The following AMPH variants were observed in gnomAD, a reference collection of about 807,000 sequenced individuals.
AMPH encodes the protein amphiphysin (Stiff-Mann syndrome with breast cancer 128kD autoantigen).
In AMPH, 49 loss-of-function variants were observed where a neutral mutation model predicts 99.1. The observed-to-expected ratio is 0.49, with a 90% CI of 0.39 to 0.63. The LOEUF (loss-of-function observed/expected upper bound fraction) is 0.63. Ranked by LOEUF, AMPH falls within the 20% of genes least tolerant of loss-of-function variation. The pLI is 0.00. For synonymous variants in AMPH, 314 were observed against 317.3 expected, an observed-to-expected ratio of 0.99 and a Z score of 0.11; for missense variants, 759 against 863.4, an observed-to-expected ratio of 0.88 and a Z score of 1.52.
At chr7:38,521,875 G>C (rs761350832) in intron 2 of AMPH, among the ~76,000 whole-genome samples, 3 of 152,114 alleles carry the variant, frequency 2.0e-5, no homozygotes, top group Non-Finnish European at 4.4e-5. Context: ...TTCAGTAGGC[G>C]CTTCCCATGT....
At position 38,534,229 on chromosome 7, in the gene AMPH, T is replaced by C. The variant is rs1275797442; in HGVS notation, c.150+702A>G. Among the ~76,000 whole-genome samples, 4 of 152,190 alleles carry C rather than the reference T, an allele frequency of 2.6e-5. No individual in the cohort carries two copies. The East Asian group carries it at 7.7e-4, about 29-fold the overall frequency. On this transcript the variant is annotated intron_variant, in intron 2 of 20. Coordinates refer to ENST00000356264, the MANE Select transcript of AMPH (RefSeq NM_001635.4). The stretch of plus-strand genomic sequence containing the variant: ...ATTTTCAGCCCCTTAGGGAAGATAT[T>C]AGTATAATCCCTGTTGCGAATGCAT...
intron 1 of AMPH, among the ~76,000 whole-genome samples, chr7:38,538,407 T>A (rs1029679401): frequency 6.6e-6 from 1 of 152,166 alleles, no homozygotes; most frequent in Non-Finnish European, 1.5e-5. Context: ...GATCTTTCAA[T>A]AGTATTCAAG....
chr7:38,566,871 T>A (rs1173463686), intron 1 of AMPH, among the ~76,000 whole-genome samples: 3 of 152,106 alleles, frequency 2.0e-5, no homozygotes, highest in African/African-American at 7.2e-5. Context: ...ATGGTGATCA[T>A]TAAAAAGTCA....
At chr7:38,451,466 A>G (rs1372119219) in intron 11 of AMPH, among the ~76,000 whole-genome samples, 1 of 146,444 alleles carries the variant, frequency 6.8e-6, no homozygotes, top group East Asian at 2.5e-4. Context: ...AATCATATTT[A>G]TATGGAATAG....
intron 1 of AMPH, among the ~76,000 whole-genome samples, chr7:38,611,385 TC>T (rs2129066290): frequency 6.6e-6 from 1 of 152,326 alleles, no homozygotes; most frequent in South Asian, 2.1e-4. Flanking sequence ...AGATCTGCTG[TC>T]CAACACTGTA....
At chr7:38,529,856 G>T (rs1790326965) in intron 2 of AMPH, among the ~76,000 whole-genome samples, 2 of 152,132 alleles carry the variant, frequency 1.3e-5, no homozygotes, top group South Asian at 4.1e-4. Flanking sequence ...ATTGCAAAAA[G>T]CTTCTGAAGG....
intron 10 of AMPH, among the ~76,000 whole-genome samples, chr7:38,462,097 C>T (rs1045368824): frequency 1.3e-5 from 2 of 152,192 alleles, no homozygotes; most frequent in Admixed American, 6.5e-5. Flanking sequence ...GGGTAAATGA[C>T]TGCTATTATG....
chr7:38,618,724 C>A (rs981931113), intron 1 of AMPH, among the ~76,000 whole-genome samples: 8 of 151,900 alleles, frequency 5.3e-5, no homozygotes, highest in African/African-American at 7.3e-5. Flanking sequence ...CCAGGGCAAC[C>A]ACTAAGAAAA....
rs1786260450 is a variant in AMPH, at chr7:38,436,301, C to T, written c.1105G>A (p.Ala369Thr). The T allele has an allele frequency of 6.2e-7, 1 of 1,614,158 alleles. No homozygotes were observed. The highest frequency in any genetic ancestry group is 8.5e-7 in the Non-Finnish European group (1 of 1,180,010). ...FKPEVTPAGSAGVTHSPMSQT... is the reference protein window; with the variant it reads ...FKPEVTPAGSTGVTHSPMSQT... ...GACATGGGTGAGTGGGTCACTCCAG[C>T]AGAACCTGCAGGTGTCACCTCGGGC... is the stretch of plus-strand genomic sequence containing the variant. Residue 369 changes from alanine (A) to threonine (T), a missense_variant, in exon 12 of 21, where the codon GCT (alanine) becomes ACT (threonine). By Grantham distance (58) the Ala-to-Thr change is moderately conservative (BLOSUM62 0). Transcript: ENST00000356264.
chr7:38,567,467 C>T (rs1050843920), intron 1 of AMPH, among the ~76,000 whole-genome samples: 1 of 151,988 alleles, frequency 6.6e-6, no homozygotes, highest in Non-Finnish European at 1.5e-5. Context: ...AGCAAACCAA[C>T]GTGGCACATA....
chr7:38,419,463 C>T (rs1026487389), intron 16 of AMPH, among the ~76,000 whole-genome samples: 1 of 152,088 alleles, frequency 6.6e-6, no homozygotes. Flanking sequence ...CTTTTTTCAG[C>T]TTTAAGAGGT....
At chr7:38,405,659 T>C (rs1432810628) in intron 17 of AMPH, among the ~76,000 whole-genome samples, 1 of 152,150 alleles carries the variant, frequency 6.6e-6, no homozygotes, top group East Asian at 1.9e-4. Flanking sequence ...ATCCTATATA[T>C]ATATATGTAG....
At chr7:38,608,646 C>T (rs149310957) in intron 1 of AMPH, among the ~76,000 whole-genome samples, 3 of 152,174 alleles carry the variant, frequency 2.0e-5, no homozygotes, top group Non-Finnish European at 2.9e-5. Flanking sequence ...ATTGTCACTA[C>T]AGACACCAAT....
intron 14 of AMPH, among the ~76,000 whole-genome samples, chr7:38,427,422 T>G (rs1359315317): frequency 6.6e-6 from 1 of 152,232 alleles, no homozygotes; most frequent in Non-Finnish European, 1.5e-5. Context: ...AAACATTTCG[T>G]GTGTTCTTTT....
At chr7:38,525,312 A>G (rs1002513582) in intron 2 of AMPH, among the ~76,000 whole-genome samples, 81 of 130,114 alleles carry the variant, frequency 6.2e-4, no homozygotes, top group African/African-American at 2.4e-3. Context: ...AGAGAGAGAG[A>G]GGGAGCCTTT....
At chr7:38,535,315 A>G (rs1790558107) in intron 1 of AMPH, among the ~76,000 whole-genome samples, 2 of 152,326 alleles carry the variant, frequency 1.3e-5, no homozygotes, top group Non-Finnish European at 2.9e-5. Context: ...ACTTAGAGAC[A>G]GAAGCTATGC....
chr7:38,462,893 C>T (rs1206731209), intron 10 of AMPH, 82 bp downstream of exon 10: 21 of 1,423,678 alleles, frequency 1.5e-5, no homozygotes, highest in East Asian at 1.4e-4. Context: ...CTTAAAGCCC[C>T]GGCACCGTGG....
chr7:38,572,993 C>T (rs1009762148), intron 1 of AMPH, among the ~76,000 whole-genome samples: 2 of 152,190 alleles, frequency 1.3e-5, no homozygotes, highest in African/African-American at 4.8e-5. Context: ...GTGGTAGCAT[C>T]TCCTACACCC....
intron 2 of AMPH, among the ~76,000 whole-genome samples, chr7:38,510,718 C>T (rs1371136717): frequency 2.6e-5 from 4 of 152,164 alleles, no homozygotes; most frequent in Non-Finnish European, 4.4e-5. Context: ...ACCAGCTTGA[C>T]CCCTGCTCTC....
Sources: allele counts gnomAD v4.1 joint callset (sites outside exome capture counted in the v4.1 genomes callset), GRCh38; gene constraint gnomAD v4.1.1; transcripts MANE v1.5; gene names NCBI Gene and HGNC (gene_info 2026-07-23, HGNC 2026-07-21).